The following RFPL3 variants were observed in gnomAD, a reference collection of about 807,000 sequenced individuals.
RFPL3 encodes ret finger protein-like 3.
RFPL3 carries 8 observed loss-of-function variants against 8.7 expected under a neutral mutation model. That is an observed-to-expected ratio of 0.92 (90% CI 0.54 to 1.66). RFPL3 has a LOEUF of 1.66. RFPL3 is among the 40% of genes most tolerant of loss of function. The pLI, the probability that RFPL3 is intolerant of heterozygous loss-of-function variation, is 0.00. For missense variants in RFPL3, 341 were observed against 395.0 expected, an observed-to-expected ratio of 0.86 and a Z score of 1.16; for synonymous variants, 145 against 150.5, an observed-to-expected ratio of 0.96 and a Z score of 0.27.
At chr22:32,355,257 T>G (rs10427862), upstream of RFPL3, among the ~76,000 whole-genome samples, 8,510 of 152,172 alleles carry the variant, frequency 0.056, 247 homozygotes, top group South Asian at 0.083. Context: ...TCAGAGTAGA[T>G]CTAGAGGTTT....
chr22:32,360,316 C>T lies in RFPL3; in HGVS notation c.438C>T (p.Ser146=), dbSNP rs146767842. 97 of 1,613,940 alleles carry T rather than the reference C, an allele frequency of 6.0e-5. No individual in the cohort carries two copies. In the African/African-American group the frequency reaches 1.1e-3, roughly 18 times the overall value. The change falls in exon 2 of 2, where the codon AGC becomes AGT. Residue 146 remains serine, a synonymous_variant. Transcript: ENST00000249007. The part of the protein sequence containing the change: ...NFLLISDDLR[S]VRSGLITQNR... Reference sequence around the variant, plus strand: ...TCCTCATTTCTGACGACCTCAGGAGCGTCCGAAGTGGGCTCATCACACAGA... The same window carrying T: ...TCCTCATTTCTGACGACCTCAGGAGTGTCCGAAGTGGGCTCATCACACAGA...
intron 1 of RFPL3, among the ~76,000 whole-genome samples, chr22:32,359,087 G>T (rs9609516): frequency 0.12 from 18,233 of 152,136 alleles, 1,507 homozygotes; most frequent in Non-Finnish European, 0.18. Context: ...AAAGGTTATG[G>T]TCAGCCTGGG....
chr22:32,357,985 G>C lies in RFPL3; in HGVS notation c.-87G>C. On this transcript the variant is annotated 5_prime_UTR_variant, in exon 1 of 2. Transcript: ENST00000249007. ...TCCCAATAGAACTTCAAATCTCTGA[G>C]GACGGGGGGTGGGGGGATGTGCTTG... 1.3e-6 allele frequency: 2 copies of C among 1,549,750 alleles called. No individual in the cohort carries two copies. Among genetic ancestry groups the C allele is most frequent in the Non-Finnish European group, 8.7e-7 (1 of 1,147,424 alleles).
Position 32,360,425 on chromosome 22 carries a change from G to C in RFPL3, c.547G>C (p.Glu183Gln), listed in dbSNP as rs370712068. The change falls in exon 2 of 2, where the codon GAG becomes CAG. Residue 183 changes from glutamate to glutamine, a missense_variant. Glu to Gln is a conservative substitution (Grantham distance 29). Transcript: ENST00000249007. ...PRFTCGRHYW[E>Q]VDVGTSTEWD... is the part of the protein sequence containing the mutation. The stretch of plus-strand genomic sequence containing the variant: ...CTTTACCTGTGGCCGCCACTACTGG[G>C]AGGTGGACGTGGGAACAAGCACAGA... 5.0e-6 allele frequency: 8 copies of C among 1,613,958 alleles called. No individual in the cohort carries two copies. The South Asian group carries it at 8.8e-5, about 18-fold the overall frequency.
At position 32,358,468 on chromosome 22, in the gene RFPL3, C is replaced by A. The variant is rs368845416; in HGVS notation, c.373+24C>A. On this transcript the variant is annotated intron_variant, in intron 1 of 1. Transcript: ENST00000249007. ...AGGTAAGGAATCTGTATACCCTGCC[C>A]CCTTCCCAAGACCAGACCAGGAAAA... is the stretch of plus-strand genomic sequence containing the variant. 3.1e-6 allele frequency: 5 copies of A among 1,594,378 alleles called. No individual in the cohort carries two copies. In the African/African-American group the frequency reaches 6.7e-5, roughly 21 times the overall value.
chr22:32,359,063 G>A (rs115257152), intron 1 of RFPL3, among the ~76,000 whole-genome samples: 2,253 of 152,226 alleles, frequency 0.015, 55 homozygotes, highest in African/African-American at 0.052. Context: ...TGGGGAAAAG[G>A]GACATTTAAA....
chr22:32,356,060 G>A (rs1029666414), upstream of RFPL3, among the ~76,000 whole-genome samples: 3 of 152,044 alleles, frequency 2.0e-5, no homozygotes, highest in African/African-American at 7.2e-5. Flanking sequence ...GGCCCCAAAT[G>A]TAAGACCTCA....
upstream of RFPL3, among the ~76,000 whole-genome samples, chr22:32,355,245 A>G (rs1932625606): frequency 8.6e-6 from 1 of 115,966 alleles, no homozygotes; most frequent in Non-Finnish European, 2.3e-5. Flanking sequence ...AATAAAGCCC[A>G]ATCAGAGTAG....
Position 32,358,446 on chromosome 22 carries a change from T to C in RFPL3, c.373+2T>C, listed in dbSNP as rs774208478. 6.2e-7 allele frequency: 1 copy of C among 1,611,578 alleles called. No individual in the cohort carries two copies. The highest frequency in any genetic ancestry group is 1.1e-5 in the South Asian group (1 of 90,586). ...ACCCAAGGATGCGGAAGTTCCAAGG[T>C]AAGGAATCTGTATACCCTGCCCCCT... On this transcript the variant is annotated splice_donor_variant, in intron 1 of 1. Coordinates refer to ENST00000249007, the MANE Select transcript of RFPL3 (RefSeq NM_001098535.1). LOFTEE classifies it high-confidence loss of function.
In RFPL3 at chr22:32,360,672, C is replaced by T. The variant is rs1601408404; in HGVS notation, c.794C>T (p.Ser265Phe). 6.2e-7 allele frequency: 1 copy of T among 1,613,744 alleles called. No homozygotes were observed. Reference protein sequence around the residue: ...NVSFFDAESGSHVYTFRSVSA... With the variant: ...NVSFFDAESGFHVYTFRSVSA... ...TCCTTTTTTGATGCTGAAAGTGGTTCCCATGTCTATACATTCAGGAGCGTC... is the reference window on the plus strand; with the variant it reads ...TCCTTTTTTGATGCTGAAAGTGGTTTCCATGTCTATACATTCAGGAGCGTC... Residue 265 changes from serine (S) to phenylalanine (F), a missense_variant, in exon 2 of 2, where the codon TCC becomes TTC. Transcript: ENST00000249007.
chr22:32,358,887 T>C (rs951735689), intron 1 of RFPL3, among the ~76,000 whole-genome samples: 3 of 152,196 alleles, frequency 2.0e-5, no homozygotes. Flanking sequence ...TGGCACCCAT[T>C]GTACCAAACA....
Position 32,358,317 on chromosome 22 carries a change from C to G in RFPL3, c.246C>G (p.Ser82=). The G allele has an allele frequency of 6.2e-7, 1 of 1,614,050 alleles. No homozygotes were observed. Residue 82 remains serine, a synonymous_variant, in exon 1 of 2, where the codon TCC becomes TCG. Transcript: ENST00000249007. ...HGEDLLCCCC[S]MVSQRNKIRP... is the part of the protein sequence containing the mutation. Reference sequence around the variant, plus strand: ...AGGATCTGCTTTGCTGTTGCTGTTCCATGGTCTCTCAGAGGAACAAAATCA... The same window carrying G: ...AGGATCTGCTTTGCTGTTGCTGTTCGATGGTCTCTCAGAGGAACAAAATCA...
intron 1 of RFPL3, 22 bp downstream of exon 1, chr22:32,358,466 C>T (rs202052881): frequency 3.6e-4 from 573 of 1,595,812 alleles, no homozygotes; most frequent in Non-Finnish European, 4.6e-4. Context: ...GTATACCCTG[C>T]CCCCTTCCCA....
At position 32,357,991 on chromosome 22, in the gene RFPL3, G is replaced by T. The variant is rs1206572674; in HGVS notation, c.-81G>T. On this transcript the variant is annotated 5_prime_UTR_variant, in exon 1 of 2. Coordinates refer to ENST00000249007, the MANE Select transcript of RFPL3 (RefSeq NM_001098535.1). ...TAGAACTTCAAATCTCTGAGGACGG[G>T]GGGTGGGGGGATGTGCTTGAGTGTT... 4.5e-6 allele frequency: 7 copies of T among 1,559,938 alleles called. No homozygotes were observed. Among genetic ancestry groups the T allele is most frequent in the Non-Finnish European group, 6.1e-6 (7 of 1,154,052 alleles).
chr22:32,358,574 C>G (rs5754007), intron 1 of RFPL3, 130 bp downstream of exon 1: 93,573 of 1,328,800 alleles, frequency 0.07, 7,403 homozygotes, highest in East Asian at 0.47. Context: ...TTCATCATCA[C>G]ATTCTCAGCC....
At chr22:32,358,986 T>C (rs1470325212) in intron 1 of RFPL3, among the ~76,000 whole-genome samples, 1 of 152,210 alleles carries the variant, frequency 6.6e-6, no homozygotes, top group Non-Finnish European at 1.5e-5. Flanking sequence ...ATTGGTCTCC[T>C]CATCCATGCG....
chr22:32,357,732 G>T, upstream of RFPL3: 1 of 568,852 alleles, frequency 1.8e-6, no homozygotes. Context: ...CTCCCGAAGT[G>T]CTGGGATTAC....
upstream of RFPL3, chr22:32,354,977 G>C (rs1932613784): frequency 6.6e-6 from 1 of 152,284 alleles, no homozygotes; most frequent in African/African-American, 2.4e-5. Flanking sequence ...CCAGACTCCA[G>C]TGTGCTCAGG....
Position 32,360,950 on chromosome 22 carries a change from ATCTATAT to A in RFPL3, c.*123_*129del, listed in dbSNP as rs1266497488. 29 of 991,292 alleles carry A rather than the reference ATCTATAT, an allele frequency of 2.9e-5. No homozygotes were observed. Among genetic ancestry groups the A allele is most frequent in the Non-Finnish European group, 4.1e-5 (29 of 711,450 alleles). The allele number at this position is 991,292 out of a possible 1,614,324, so 61.4% of individuals were successfully genotyped here. A position where few individuals can be genotyped will look rare whatever the true frequency, so the allele number is the denominator to read the frequency against. On this transcript the variant is annotated 3_prime_UTR_variant, in exon 2 of 2. Transcript: ENST00000249007. ...GAGAAAGATATGGGACATTTCTATAATCTATATTCTAATTTGATTCGATTATTGAGTC... is the reference window on the plus strand; with the variant it reads ...GAGAAAGATATGGGACATTTCTATAATCTAATTTGATTCGATTATTGAGTC...
Sources: allele counts gnomAD v4.1 joint callset (sites outside exome capture counted in the v4.1 genomes callset), GRCh38; gene constraint gnomAD v4.1.1; transcripts MANE v1.5; gene names NCBI Gene and HGNC (gene_info 2026-07-23, HGNC 2026-07-21).